Variants in STRIP1 observed in about 807,000 individuals in gnomAD.
STRIP1 encodes striatin-interacting protein 1.
In STRIP1, 63 loss-of-function variants were observed where a neutral mutation model predicts 106.2. The observed-to-expected ratio is 0.59, with a 90% confidence interval of 0.48 to 0.73. STRIP1 has a LOEUF of 0.73. Among genes scored for constraint, STRIP1 ranks in the 30% least tolerant of loss-of-function variants. STRIP1 has a pLI of 0.00. For synonymous variants in STRIP1, 390 were observed against 413.0 expected, an observed-to-expected ratio of 0.94 and a Z score of 0.67; for missense variants, 857 against 1,074.8, an observed-to-expected ratio of 0.80 and a Z score of 2.83.
chr1:110,044,781 T>C, intron 10 of STRIP1, 59 bp from the exon 11 acceptor site: 1 of 1,550,932 alleles, frequency 6.4e-7, no homozygotes, highest in South Asian at 1.1e-5. Context: ...ACTGTAACAC[T>C]TTGAAATAGC....
rs924611850 is a variant in STRIP1, at chr1:110,043,546, T to C, written c.1069-93T>C. The C allele has an allele frequency of 6.0e-6, 7 of 1,157,778 alleles. No homozygotes were observed. In the Admixed American group the frequency reaches 1.2e-4, roughly 21 times the overall value. 71.7% of individuals were successfully genotyped at this position (1,157,778 alleles called of 1,614,324 possible). On this transcript the variant is annotated intron_variant, in intron 9 of 20. Transcript: ENST00000369795. ...GTTTTTCCACTGTTCTTGCCTCTAC[T>C]GGACACCTGTATGTGCTGTGTCTCC...
upstream of STRIP1, among the ~76,000 whole-genome samples, chr1:110,032,923 T>C (rs771165094): frequency 1.3e-5 from 2 of 152,208 alleles, no homozygotes; most frequent in Non-Finnish European, 2.9e-5. Flanking sequence ...TCGAATGGTT[T>C]TCCATTTCAC....
chr1:110,054,074 A>C lies in STRIP1; in HGVS notation c.*162A>C. The C allele has an allele frequency of 1.3e-6, 1 of 794,888 alleles. No homozygotes were observed. Among genetic ancestry groups the C allele is most frequent in the Non-Finnish European group, 2.0e-6 (1 of 508,814 alleles). 49.2% of individuals were successfully genotyped at this position (794,888 alleles called of 1,614,324 possible). ...CCTGGGCTTGGGTGAGCCCAGCTTG[A>C]CCTCCCCTTGGTTCCCAGGGTCCTG... On this transcript the variant is annotated 3_prime_UTR_variant, in exon 21 of 21. Coordinates refer to ENST00000369795, the MANE Select transcript of STRIP1 (RefSeq NM_033088.4).
chr1:110,051,464 GAC>G (rs898881588), intron 19 of STRIP1, among the ~76,000 whole-genome samples: 7 of 152,134 alleles, frequency 4.6e-5, no homozygotes, highest in Non-Finnish European at 1.0e-4. Flanking sequence ...ATTCCAAAGT[GAC>G]ACATAGTTAG....
At chr1:110,041,362 C>G (rs1652748592) in intron 6 of STRIP1, 174 bp from the exon 7 acceptor site, 7 of 554,290 alleles carry the variant, frequency 1.3e-5, no homozygotes. Flanking sequence ...TGGTTTTTTT[C>G]TTTTCAGGAA....
intron 17 of STRIP1, chr1:110,049,812 C>T: frequency 6.7e-6 from 3 of 444,768 alleles, no homozygotes; most frequent in South Asian, 3.4e-5. Context: ...GGATCTAGTA[C>T]TTTCCTCCCT....
Position 110,043,093 on chromosome 1 carries a change from G to GC in STRIP1, c.892dup (p.Leu298ProfsTer5). The stretch of plus-strand genomic sequence containing the variant: ...CTTCCCTGTCTGTGATGCAGTGCAC[G>GC]CTAGGCGGCTTTGAGGAGCTGCAGA... On this transcript the variant is annotated frameshift_variant, in exon 9 of 21. Coordinates refer to ENST00000369795, the MANE Select transcript of STRIP1 (RefSeq NM_033088.4). LOFTEE classifies it high-confidence loss of function. 6.2e-7 allele frequency: 1 copy of GC among 1,611,252 alleles called. No homozygotes were observed. The highest frequency in any genetic ancestry group is 8.5e-7 in the Non-Finnish European group (1 of 1,178,904).
chr1:110,032,915 G>T (rs565659059), upstream of STRIP1, among the ~76,000 whole-genome samples: 1 of 152,106 alleles, frequency 6.6e-6, no homozygotes, highest in Non-Finnish European at 1.5e-5. Flanking sequence ...TAACACCCTC[G>T]AATGGTTTTC....
intron 15 of STRIP1, 29 bp downstream of exon 15, chr1:110,047,898 TGGGG>T: frequency 6.5e-7 from 1 of 1,527,334 alleles, no homozygotes; most frequent in Non-Finnish European, 8.9e-7. Context: ...ATGAAGCAGG[TGGGG>T]CAGAAGATAG....
At position 110,043,088 on chromosome 1, in the gene STRIP1, T is replaced by G; in HGVS notation, c.886T>G (p.Cys296Gly). The G allele has an allele frequency of 6.2e-7, 1 of 1,609,866 alleles. No individual in the cohort carries two copies. The highest frequency in any genetic ancestry group is 8.5e-7 in the Non-Finnish European group (1 of 1,178,226). ...VLLLLWKTVL[C>G]TLGGFEELQS... ...CTCTGCTTCCCTGTCTGTGATGCAG[T>G]GCACGCTAGGCGGCTTTGAGGAGCT... The change falls in exon 9 of 21, where the codon TGC becomes GGC. Residue 296 changes from cysteine (C) to glycine (G), a missense_variant and splice_region_variant. This residue lies in a region of STRIP1 where 750 missense variants were observed against 989.8 expected (regional missense o/e 0.76). Coordinates refer to ENST00000369795, the MANE Select transcript of STRIP1 (RefSeq NM_033088.4).
At chr1:110,041,328 C>T (rs1652746270) in intron 6 of STRIP1, 13 of 515,636 alleles carry the variant, frequency 2.5e-5, no homozygotes, top group South Asian at 2.5e-4. Context: ...TCTGCTTTGA[C>T]CCTACAGCTC....
Position 110,054,178 on chromosome 1 carries a change from T to G in STRIP1, c.*266T>G, listed in dbSNP as rs185833796. 3 of 463,782 alleles carry G rather than the reference T, an allele frequency of 6.5e-6. No individual in the cohort carries two copies. Among genetic ancestry groups the G allele is most frequent in the Admixed American group, 3.7e-5 (1 of 27,322 alleles). The allele number at this position is 463,782 out of a possible 1,614,324, so 28.7% of individuals were successfully genotyped here. Reference sequence around the variant, plus strand: ...CTCCTCTCTTGGATATGGTTGGTTTTGGCTCATTTCACAATCAGCCCAAGG... The same window carrying G: ...CTCCTCTCTTGGATATGGTTGGTTTGGGCTCATTTCACAATCAGCCCAAGG... On this transcript the variant is annotated 3_prime_UTR_variant, in exon 21 of 21. Coordinates refer to ENST00000369795, the MANE Select transcript of STRIP1 (RefSeq NM_033088.4).
chr1:110,035,246 G>A (rs1454529424), intron 1 of STRIP1, among the ~76,000 whole-genome samples: 1 of 152,226 alleles, frequency 6.6e-6, no homozygotes, highest in East Asian at 1.9e-4. Context: ...CCTGGGTCCT[G>A]CCGCTCGCAG....
At chr1:110,032,736 A>C (rs1652255254), upstream of STRIP1, among the ~76,000 whole-genome samples, 1 of 152,124 alleles carries the variant, frequency 6.6e-6, no homozygotes, top group Admixed American at 6.5e-5. Context: ...CCCTACCTAC[A>C]CAATATAGAA....
intron 8 of STRIP1, among the ~76,000 whole-genome samples, chr1:110,042,571 A>G (rs1390844764): frequency 6.6e-6 from 1 of 152,240 alleles, no homozygotes; most frequent in African/African-American, 2.4e-5. Context: ...AAGCCTTGCT[A>G]AGGCTAGAGA....
upstream of STRIP1, among the ~76,000 whole-genome samples, chr1:110,031,899 A>AT (rs201513805): frequency 0.033 from 4,366 of 132,426 alleles, 141 homozygotes; most frequent in African/African-American, 0.079. Context: ...TTTTAATTTG[A>AT]TTTTTTTTTT....
Position 110,043,695 on chromosome 1 carries a change from T to A in STRIP1, c.1125T>A (p.Ala375=). Residue 375 remains alanine, a synonymous_variant, in exon 10 of 21, where the codon GCT becomes GCA. Coordinates refer to ENST00000369795, the MANE Select transcript of STRIP1 (RefSeq NM_033088.4). Reference sequence around the variant, plus strand: ...TCAACGAGCGGGATCCCTACAAGGCTGATGACTCTCGAGAAGAGGAAGAGG... The same window carrying A: ...TCAACGAGCGGGATCCCTACAAGGCAGATGACTCTCGAGAAGAGGAAGAGG... The part of the protein sequence containing the change: ...DAFNERDPYK[A]DDSREEEEEN... The A allele has an allele frequency of 6.2e-7, 1 of 1,614,086 alleles. No individual in the cohort carries two copies. The highest frequency in any genetic ancestry group is 8.5e-7 in the Non-Finnish European group (1 of 1,180,008).
At chr1:110,046,653 C>T in intron 12 of STRIP1, 27 bp from the exon 13 acceptor site, 1 of 1,608,330 alleles carries the variant, frequency 6.2e-7, no homozygotes, top group Non-Finnish European at 8.5e-7. Flanking sequence ...TTTTCCCCAG[C>T]CCTTCTTTTC....
chr1:110,034,595 G>C (rs188420033), upstream of STRIP1: 94 of 1,468,576 alleles, frequency 6.4e-5, no homozygotes, highest in African/African-American at 1.3e-3. Context: ...GTTGCATCAC[G>C]GCGGCTGTGC....
Sources: gnomAD v4.1 joint callset for allele counts (sites outside exome capture counted in the v4.1 genomes callset) on GRCh38, gnomAD v4.1.1 for gene constraint, gnomAD v4.1.1 regional missense constraint, MANE v1.5 for transcripts, NCBI Gene and HGNC (gene_info 2026-07-23, HGNC 2026-07-21) for gene names.